Variants in TCAIM observed in about 807,000 individuals in gnomAD.
The protein encoded by TCAIM is T cell activation inhibitor, mitochondrial.
TCAIM carries 36 observed loss-of-function variants against 58.6 expected under a neutral mutation model. That is an observed-to-expected ratio of 0.61 (90% CI 0.47 to 0.81). The LOEUF is 0.81. Among genes scored for constraint, TCAIM ranks in the 30% least tolerant of loss-of-function variants. The pLI is 0.00. For synonymous variants in TCAIM, 172 were observed against 193.6 expected (o/e 0.89, Z 0.93); for missense variants, 466 against 579.6 (o/e 0.80, Z 2.01).
At chr3:44,351,072 G>A (rs755806525) in intron 1 of TCAIM, among the ~76,000 whole-genome samples, 6 of 152,116 alleles carry the variant, frequency 3.9e-5, no homozygotes, top group Non-Finnish European at 5.9e-5. Context: ...GTGCGATCTC[G>A]GCTCACTGCA....
chr3:44,378,551 C>G (rs1412192669), intron 5 of TCAIM, among the ~76,000 whole-genome samples: 2 of 152,108 alleles, frequency 1.3e-5, no homozygotes, highest in Non-Finnish European at 2.9e-5. Flanking sequence ...GGTGCGGTGG[C>G]TCACGCCTGT....
Position 44,386,955 on chromosome 3 carries a change from T to G in TCAIM, c.573-5900T>G, listed in dbSNP as rs140494721. On this transcript the variant is annotated intron_variant, in intron 5 of 10. Transcript: ENST00000342649. The stretch of plus-strand genomic sequence containing the variant: ...TGGGGACTGGGCTGCCGGTTCCAGG[T>G]GAAGTCCATGGCCCAGAGTGAAGAC... Among the ~76,000 whole-genome samples, 253 of 152,314 alleles carry G rather than the reference T, an allele frequency of 1.7e-3. 2 individuals carry two copies. The highest frequency in any genetic ancestry group is 5.7e-3 in the African/African-American group (235 of 41,570).
rs746006463 is a variant in TCAIM, at chr3:44,396,801, A to G, written c.852A>G (p.Leu284=). 1 of 1,614,094 alleles carries G rather than the reference A, an allele frequency of 6.2e-7. No individual in the cohort carries two copies. Among genetic ancestry groups the G allele is most frequent in the Non-Finnish European group, 8.5e-7 (1 of 1,180,034 alleles). ...SGMSAVGHVM[L]GTMDVHHHWT... Reference sequence around the variant, plus strand: ...TGAGTGCAGTGGGCCATGTGATGCTAGGAACAATGGATGTCCATCACCACT... The same window carrying G: ...TGAGTGCAGTGGGCCATGTGATGCTGGGAACAATGGATGTCCATCACCACT... Residue 284 remains leucine (L), a synonymous_variant, in exon 8 of 11, where the codon CTA becomes CTG. Transcript: ENST00000342649.
chr3:44,369,439 G>A (rs1021442533), intron 5 of TCAIM, among the ~76,000 whole-genome samples: 3 of 152,206 alleles, frequency 2.0e-5, no homozygotes, highest in Non-Finnish European at 4.4e-5. Context: ...CATAGAAGCA[G>A]TTGGTCTGTG....
At chr3:44,384,855 A>G (rs1701711121) in intron 5 of TCAIM, among the ~76,000 whole-genome samples, 1 of 152,184 alleles carries the variant, frequency 6.6e-6, no homozygotes, top group Non-Finnish European at 1.5e-5. Flanking sequence ...TAGCTCATGC[A>G]TTGTTTAGAG....
intron 1 of TCAIM, among the ~76,000 whole-genome samples, chr3:44,342,710 A>G (rs1211050020): frequency 6.6e-6 from 1 of 151,350 alleles, no homozygotes; most frequent in African/African-American, 2.4e-5. Flanking sequence ...CATATCACTA[A>G]AGCCTTTTTT....
intron 1 of TCAIM, chr3:44,339,962 C>G (rs1371391668): frequency 6.6e-6 from 1 of 152,176 alleles, no homozygotes; most frequent in African/African-American, 2.4e-5. Flanking sequence ...ACTCGGTATG[C>G]CTCCCAAGTG....
intron 6 of TCAIM, 40 bp from the exon 7 acceptor site, chr3:44,396,360 G>T (rs371389534): frequency 5.7e-5 from 90 of 1,572,476 alleles, no homozygotes; most frequent in Admixed American, 1.1e-4. Context: ...CGTCTTCAGG[G>T]TGCCACTTGT....
chr3:44,370,012 C>T (rs1701438944), intron 5 of TCAIM, among the ~76,000 whole-genome samples: 1 of 152,020 alleles, frequency 6.6e-6, no homozygotes, highest in African/African-American at 2.4e-5. Context: ...CTAAAAAAAT[C>T]TGCTATTTTT....
At chr3:44,384,869 A>T (rs1014931966) in intron 5 of TCAIM, among the ~76,000 whole-genome samples, 2 of 152,112 alleles carry the variant, frequency 1.3e-5, no homozygotes, top group Non-Finnish European at 2.9e-5. Flanking sequence ...TTTAGAGGAG[A>T]TCCCAGTTGG....
In TCAIM at chr3:44,408,182, G is replaced by A. The variant is rs895733931; in HGVS notation, c.*500G>A. 2 of 152,296 alleles carry A rather than the reference G, an allele frequency of 1.3e-5. No homozygotes were observed. The highest frequency in any genetic ancestry group is 2.9e-5 in the Non-Finnish European group (2 of 68,140). 9.4% of individuals were successfully genotyped at this position (152,296 alleles called of 1,614,324 possible). A position where few individuals can be genotyped will look rare whatever the true frequency, so the allele number is the denominator to read the frequency against. Reference sequence around the variant, plus strand: ...ATATATTTTTATATGAATGAATGTTGGGTTGGGCTGGAGAGGTATGTGTGT... The same window carrying A: ...ATATATTTTTATATGAATGAATGTTAGGTTGGGCTGGAGAGGTATGTGTGT... On this transcript the variant is annotated 3_prime_UTR_variant, in exon 11 of 11. Transcript: ENST00000342649.
chr3:44,389,955 C>G (rs573014887), intron 5 of TCAIM, among the ~76,000 whole-genome samples: 4 of 152,294 alleles, frequency 2.6e-5, no homozygotes, highest in South Asian at 4.1e-4. Flanking sequence ...ACATGCCATT[C>G]TCTCTCACCT....
intron 5 of TCAIM, among the ~76,000 whole-genome samples, chr3:44,387,406 AC>A (rs1701761674): frequency 6.6e-6 from 1 of 152,138 alleles, no homozygotes; most frequent in South Asian, 2.1e-4. Flanking sequence ...GCTGAAACAC[AC>A]CTAGGTCTGG....
chr3:44,377,892 T>C (rs1234984141), intron 5 of TCAIM, among the ~76,000 whole-genome samples: 1 of 152,120 alleles, frequency 6.6e-6, no homozygotes, highest in Non-Finnish European at 1.5e-5. Context: ...TGGCAAAGAT[T>C]TCATGATGAA....
intron 5 of TCAIM, among the ~76,000 whole-genome samples, chr3:44,379,091 C>T (rs865904727): frequency 5.0e-4 from 27 of 54,150 alleles, no homozygotes; most frequent in Admixed American, 8.6e-4. Context: ...GCCTGGGCCT[C>T]GGTGGGGAGG....
intron 5 of TCAIM, among the ~76,000 whole-genome samples, chr3:44,375,292 T>C (rs573104164): frequency 6.0e-4 from 92 of 152,292 alleles, no homozygotes; most frequent in African/African-American, 2.1e-3. Flanking sequence ...GTTTGGCTCA[T>C]GGTTCTGCAG....
intron 1 of TCAIM, among the ~76,000 whole-genome samples, chr3:44,344,910 ACAAGGTATTGT>A (rs1411780109): frequency 1.3e-5 from 2 of 152,166 alleles, no homozygotes; most frequent in Non-Finnish European, 2.9e-5. Context: ...AATTCAATTC[ACAAGGTATTGT>A]CATCAGTTAA....
intron 5 of TCAIM, among the ~76,000 whole-genome samples, chr3:44,372,805 A>G (rs1292566441): frequency 6.6e-6 from 1 of 152,098 alleles, no homozygotes; most frequent in African/African-American, 2.4e-5. Context: ...CGTGTTAGCC[A>G]GGATGGTCTT....
rs895607611 is a variant in TCAIM at position 44,371,330 on chromosome 3, T to G, written c.572+3622T>G. The stretch of plus-strand genomic sequence containing the variant: ...GCCTCAGCTTCCCAGAGTGCTGGGA[T>G]TACAGACATGAGCCACCATGCCCGG... On this transcript the variant is annotated intron_variant, in intron 5 of 10. Transcript: ENST00000342649. Among the ~76,000 whole-genome samples, 39 of 152,136 alleles carry G rather than the reference T, an allele frequency of 2.6e-4. 1 individual carries two copies. Among genetic ancestry groups the G allele is most frequent in the Non-Finnish European group, 1.5e-5 (1 of 68,024 alleles).
Sources: gnomAD v4.1 joint callset for allele counts (sites outside exome capture counted in the v4.1 genomes callset) on GRCh38, gnomAD v4.1.1 for gene constraint, MANE v1.5 for transcripts, NCBI Gene and HGNC (gene_info 2026-07-23, HGNC 2026-07-21) for gene names.